Variants in KLHDC10 observed in about 807,000 individuals in gnomAD.
KLHDC10 encodes the protein kelch domain-containing protein 10.
KLHDC10 carries 24 observed loss-of-function variants against 56.1 expected under a neutral mutation model. That is an observed-to-expected ratio of 0.43 (90% CI 0.31 to 0.60). The LOEUF is 0.60. KLHDC10 is among the 20% of genes least tolerant of loss of function. The pLI is 0.11. For synonymous variants in KLHDC10, 188 were observed against 207.1 expected (o/e 0.91, Z 0.79); for missense variants, 349 against 567.0 (o/e 0.62, Z 3.91).
chr7:130,104,715 C>CT, intron 2 of KLHDC10, among the ~76,000 whole-genome samples: 1 of 152,278 alleles, frequency 6.6e-6, no homozygotes, highest in African/African-American at 2.4e-5. Context: ...AGAGTGGGAG[C>CT]AGGTGTCTTA....
intron 2 of KLHDC10, among the ~76,000 whole-genome samples, chr7:130,113,615 G>C (rs1796130157): frequency 6.6e-6 from 1 of 152,060 alleles, no homozygotes; most frequent in Non-Finnish European, 1.5e-5. Flanking sequence ...TTACAGGTGT[G>C]AGCCACCATG....
intron 1 of KLHDC10, among the ~76,000 whole-genome samples, chr7:130,085,938 G>A (rs1795684065): frequency 6.6e-6 from 1 of 151,868 alleles, no homozygotes; most frequent in South Asian, 2.1e-4. Flanking sequence ...GGGTATAGTA[G>A]GCCTTTGTGG....
chr7:130,070,722 G>A lies in KLHDC10; in HGVS notation c.79G>A (p.Ala27Thr). 1 of 1,278,928 alleles carries A rather than the reference G, an allele frequency of 7.8e-7. No individual in the cohort carries two copies. The highest frequency in any genetic ancestry group is 2.5e-5 in the South Asian group (1 of 39,378). The allele number at this position is 1,278,928 out of a possible 1,614,324, so 79.2% of individuals were successfully genotyped here. The change falls in exon 1 of 10, where the codon GCC becomes ACC. Residue 27 changes from alanine to threonine, a missense_variant. Transcript: ENST00000335420. ...AAGAGGGGSG[A>T]GGGSGGSGGR... ...CGGCGCTGGTGGCGGAGGTAGCGGG[G>A]CCGGCGGGGGCAGTGGGGGCAGCGG...
At chr7:130,110,563 G>A (rs1427394968) in intron 2 of KLHDC10, among the ~76,000 whole-genome samples, 1 of 152,146 alleles carries the variant, frequency 6.6e-6, no homozygotes, top group African/African-American at 2.4e-5. Context: ...AGCAACTTGG[G>A]CTCTGGGAGT....
At chr7:130,074,460 G>A (rs1005116654) in intron 1 of KLHDC10, among the ~76,000 whole-genome samples, 3 of 151,926 alleles carry the variant, frequency 2.0e-5, no homozygotes, top group Admixed American at 1.3e-4. Flanking sequence ...ACACATATGC[G>A]TATATATATG....
chr7:130,128,070 G>C (rs1249671800), intron 8 of KLHDC10, among the ~76,000 whole-genome samples: 1 of 152,218 alleles, frequency 6.6e-6, no homozygotes, highest in Non-Finnish European at 1.5e-5. Flanking sequence ...GTATAAATGA[G>C]TTAGATAGCC....
Position 130,120,840 on chromosome 7 carries a change from G to A in KLHDC10, c.567G>A (p.Val189=). Residue 189 remains valine (V), a synonymous_variant, in exon 4 of 10, where the codon GTG becomes GTA. Coordinates refer to ENST00000335420, the MANE Select transcript of KLHDC10 (RefSeq NM_014997.4). This position sits in a 1 kb window ranked among gnomAD's most constrained non-coding sequence, Gnocchi z 5.1. The part of the protein sequence containing the change: ...SNGNDVHVCN[V]KYKRWALLSC... ...GCAATGACGTCCATGTGTGTAATGT[G>A]AAGTATAAGAGATGGGCTTTGCTCA... The A allele has an allele frequency of 6.2e-7, 1 of 1,614,176 alleles. No homozygotes were observed. The highest frequency in any genetic ancestry group is 8.5e-7 in the Non-Finnish European group (1 of 1,180,014).
chr7:130,107,133 A>G (rs551395397), intron 2 of KLHDC10, among the ~76,000 whole-genome samples: 196 of 152,328 alleles, frequency 1.3e-3, no homozygotes, highest in African/African-American at 4.4e-3. Context: ...ACCAATAGCA[A>G]ACATAATACA....
chr7:130,108,558 A>ACG (rs1796051455), intron 2 of KLHDC10, among the ~76,000 whole-genome samples: 1 of 76,718 alleles, frequency 1.3e-5, no homozygotes, highest in Non-Finnish European at 2.9e-5. Context: ...CAAATATCCA[A>ACG]AAAAAAAAAA....
chr7:130,100,665 G>A (rs1400039808), intron 2 of KLHDC10, among the ~76,000 whole-genome samples: 1 of 152,074 alleles, frequency 6.6e-6, no homozygotes, highest in Non-Finnish European at 1.5e-5. Flanking sequence ...TTGCTTGTTT[G>A]TTTGTTTTTA....
chr7:130,077,593 T>A (rs1795531417), intron 1 of KLHDC10, among the ~76,000 whole-genome samples: 2 of 142,410 alleles, frequency 1.4e-5, no homozygotes, highest in Admixed American at 7.1e-5. Context: ...TCTTGCTCTG[T>A]CGCCCAGGCT....
intron 8 of KLHDC10, among the ~76,000 whole-genome samples, chr7:130,128,771 G>A (rs927245481): frequency 7.3e-5 from 11 of 149,994 alleles, no homozygotes; most frequent in African/African-American, 2.2e-4. Flanking sequence ...CAGGCATGGT[G>A]GCTCATGCCT....
In KLHDC10 at chr7:130,125,873, A is replaced by C; in HGVS notation, c.873A>C (p.Ala291=). ...TCTTTTTTTTCTCCAAGATCCATGC[A>C]TACAACCTTGAAACGAATGCCTGGG... The part of the protein sequence containing the change: ...WTAYSLNKIH[A]YNLETNAWEE... Residue 291 remains alanine (A), a synonymous_variant, in exon 7 of 10, where the codon GCA becomes GCC. Transcript: ENST00000335420. 1 of 1,601,250 alleles carries C rather than the reference A, an allele frequency of 6.2e-7. No individual in the cohort carries two copies. Among genetic ancestry groups the C allele is most frequent in the Non-Finnish European group, 8.5e-7 (1 of 1,176,680 alleles).
At chr7:130,093,439 T>TG (rs1315255868) in intron 1 of KLHDC10, among the ~76,000 whole-genome samples, 1 of 152,154 alleles carries the variant, frequency 6.6e-6, no homozygotes, top group Non-Finnish European at 1.5e-5. Context: ...TTGGCCAGGC[T>TG]GGTCTCAAAC....
chr7:130,071,556 A>G (rs1795410791), intron 1 of KLHDC10, among the ~76,000 whole-genome samples: 1 of 152,230 alleles, frequency 6.6e-6, no homozygotes, highest in Non-Finnish European at 1.5e-5. Flanking sequence ...GATGCTTTTG[A>G]AAACAAAATA....
Position 130,117,544 on chromosome 7 carries a change from A to G in KLHDC10, c.475+878A>G, listed in dbSNP as rs149580975. 896 of 175,172 alleles carry G rather than the reference A, an allele frequency of 5.1e-3. 5 individuals are homozygous for G. Among genetic ancestry groups the G allele is most frequent in the Non-Finnish European group, 8.3e-3 (704 of 84,830 alleles). The allele number at this position is 175,172 out of a possible 1,614,324, so 10.9% of individuals were successfully genotyped here. A position where few individuals can be genotyped will look rare whatever the true frequency, so the allele number is the denominator to read the frequency against. On this transcript the variant is annotated intron_variant, in intron 3 of 9. Transcript: ENST00000335420. The stretch of plus-strand genomic sequence containing the variant: ...TGTTCACAGCATCTTCACTAGGAGT[A>G]GATTCTATCTCAAGAAACCACTTTC...
chr7:130,073,704 A>G lies in KLHDC10; in HGVS notation c.166+2895A>G, dbSNP rs1584614787. On this transcript the variant is annotated intron_variant, in intron 1 of 9. Coordinates refer to ENST00000335420, the MANE Select transcript of KLHDC10 (RefSeq NM_014997.4). ...AACCCTCCATCCAGCCCCCAATGAA[A>G]CCAAACAAAACAACCTGGTCTTCCT... Among the ~76,000 whole-genome samples the G allele has an allele frequency of 3.3e-5, 5 of 152,190 alleles. 1 individual carries two copies. Among genetic ancestry groups the G allele is most frequent in the Admixed American group, 3.3e-4 (5 of 15,278 alleles).
chr7:130,109,453 G>A (rs1005414916), intron 2 of KLHDC10, among the ~76,000 whole-genome samples: 1 of 151,898 alleles, frequency 6.6e-6, no homozygotes, highest in South Asian at 2.1e-4. Flanking sequence ...TTATGTCTGT[G>A]TACCAAAGTG....
At chr7:130,111,169 C>A (rs1209091138) in intron 2 of KLHDC10, among the ~76,000 whole-genome samples, 1 of 152,024 alleles carries the variant, frequency 6.6e-6, no homozygotes, top group Non-Finnish European at 1.5e-5. Flanking sequence ...TAGAGCCCTA[C>A]CTTATACAAC....
Sources: allele counts gnomAD v4.1 joint callset (sites outside exome capture counted in the v4.1 genomes callset), GRCh38; gene constraint gnomAD v4.1.1; non-coding constraint Gnocchi (gnomAD v3.1); transcripts MANE v1.5; gene names NCBI Gene and HGNC (gene_info 2026-07-23, HGNC 2026-07-21).